The following GMEB1 variants were observed in gnomAD, a reference collection of about 807,000 sequenced individuals.
GMEB1 encodes glucocorticoid modulatory element binding protein 1.
Under a neutral mutation model 52.4 loss-of-function variants are expected in GMEB1, and 6 were observed. The ratio of observed to expected loss-of-function variants is 0.11; its 90% CI spans 0.06 to 0.23. The LOEUF (loss-of-function observed/expected upper bound fraction) is 0.23, where lower values mean the gene tolerates loss of function less well. Ranked by LOEUF, GMEB1 falls within the 10% of genes least tolerant of loss-of-function variation. The probability of loss-of-function intolerance (pLI) is 1.00; values close to 1 mark genes in which losing one functional copy is unlikely to be tolerated. For missense variants in GMEB1, 486 were observed against 685.6 expected, an observed-to-expected ratio of 0.71 and a Z score of 3.25; for synonymous variants, 255 against 244.9, an observed-to-expected ratio of 1.04 and a Z score of -0.38.
chr1:28,703,694 G>T lies in GMEB1; in HGVS notation c.731-498G>T, dbSNP rs749616233. 2.6e-4 allele frequency among the ~76,000 whole-genome samples: 39 copies of T among 151,920 alleles called. 1 individual carries two copies. Among genetic ancestry groups the T allele is most frequent in the South Asian group, 1.9e-3 (9 of 4,816 alleles). On this transcript the variant is annotated intron_variant, in intron 7 of 9. Coordinates refer to ENST00000373816, the MANE Select transcript of GMEB1 (RefSeq NM_001319674.2). The stretch of plus-strand genomic sequence containing the variant: ...AAATAAAAATAAAAAAATAAAAAAA[G>T]AAAAGACATAGCCACCACCCTCAGA...
intron 8 of GMEB1, among the ~76,000 whole-genome samples, chr1:28,706,659 CTTATTTAT>C (rs546303576): frequency 6.0e-5 from 9 of 149,618 alleles, no homozygotes; most frequent in Non-Finnish European, 1.2e-4. Context: ...TCAGTGAATT[CTTATTTAT>C]TTATTTATTT....
chr1:28,669,165 G>T (rs1402598156), intron 1 of GMEB1, among the ~76,000 whole-genome samples: 1 of 151,364 alleles, frequency 6.6e-6, no homozygotes, highest in Non-Finnish European at 1.5e-5. Context: ...CACTGGGGGG[G>T]CCCCGGCGCC....
At chr1:28,670,152 T>TA (rs1311442221) in intron 1 of GMEB1, among the ~76,000 whole-genome samples, 1 of 147,804 alleles carries the variant, frequency 6.8e-6, no homozygotes, top group African/African-American at 2.4e-5. Flanking sequence ...TTGGGGACCC[T>TA]TTTTATTTAT....
intron 5 of GMEB1, among the ~76,000 whole-genome samples, chr1:28,694,299 T>C (rs893914921): frequency 2.6e-5 from 4 of 151,258 alleles, no homozygotes; most frequent in African/African-American, 7.3e-5. Flanking sequence ...CAAGTGATTC[T>C]CCTGTCTCAG....
At chr1:28,708,284 C>T (rs1215327132) in intron 8 of GMEB1, among the ~76,000 whole-genome samples, 1 of 151,926 alleles carries the variant, frequency 6.6e-6, no homozygotes, top group Non-Finnish European at 1.5e-5. Flanking sequence ...CCTGCCTCAG[C>T]CTCCCGAGTA....
At chr1:28,672,363 T>A (rs1668932123) in intron 1 of GMEB1, among the ~76,000 whole-genome samples, 1 of 149,016 alleles carries the variant, frequency 6.7e-6, no homozygotes, top group South Asian at 2.1e-4. Context: ...GGGACTACTC[T>A]CCCGCCACCA....
In GMEB1 at chr1:28,692,999, C is replaced by T; in HGVS notation, c.394C>T (p.Leu132=). 6.2e-7 allele frequency: 1 copy of T among 1,609,638 alleles called. No homozygotes were observed. Among genetic ancestry groups the T allele is most frequent in the Non-Finnish European group, 8.5e-7 (1 of 1,177,206 alleles). Residue 132 remains leucine (L), a synonymous_variant, in exon 5 of 10, where the codon CTG becomes TTG. Transcript: ENST00000373816. ...TGTTCATCTGGCTGGCAAGTCCACT[C>T]TGAAGGACTGGAAGAGAGCTATTCG... ...HFVHLAGKST[L]KDWKRAIRLG... is the part of the protein sequence containing the mutation.
At chr1:28,712,260 G>C (rs1345230362) in intron 9 of GMEB1, among the ~76,000 whole-genome samples, 1 of 152,156 alleles carries the variant, frequency 6.6e-6, no homozygotes, top group Admixed American at 6.6e-5. Flanking sequence ...CATGCACTCT[G>C]TAGTCACGCC....
At chr1:28,690,674 T>G (rs141592625) in intron 3 of GMEB1, among the ~76,000 whole-genome samples, 96 of 152,230 alleles carry the variant, frequency 6.3e-4, no homozygotes, top group African/African-American at 2.2e-3. Context: ...AGGAAACAAT[T>G]AATTAATTAA....
At chr1:28,691,040 C>T (rs1034154172) in intron 3 of GMEB1, among the ~76,000 whole-genome samples, 9 of 151,892 alleles carry the variant, frequency 5.9e-5, no homozygotes, top group African/African-American at 2.2e-4. Context: ...CCTGTAATCC[C>T]AGCACTTTGG....
chr1:28,680,179 A>C (rs932329977), intron 1 of GMEB1, among the ~76,000 whole-genome samples: 1 of 151,908 alleles, frequency 6.6e-6, no homozygotes, highest in Non-Finnish European at 1.5e-5. Flanking sequence ...CCAGGAGTTC[A>C]AGACCAGCCT....
rs748503919 is a variant in GMEB1 at position 28,714,171 on chromosome 1, C to T, written c.1090C>T (p.Pro364Ser). The T allele has an allele frequency of 6.2e-7, 1 of 1,614,162 alleles. No homozygotes were observed. Among genetic ancestry groups the T allele is most frequent in the Non-Finnish European group, 8.5e-7 (1 of 1,180,012 alleles). Residue 364 changes from proline to serine, a missense_variant, in exon 10 of 10, where the codon CCT becomes TCT. Coordinates refer to ENST00000373816, the MANE Select transcript of GMEB1 (RefSeq NM_001319674.2). ...TGTGGTACTGATGCCTGTGAGCACT[C>T]CTAAGCCTCCAAAAAGGCCCCGGCT... ...QNVVLMPVST[P>S]KPPKRPRLQR... is the part of the protein sequence containing the mutation.
At chr1:28,713,714 G>C (rs1350624032) in intron 9 of GMEB1, among the ~76,000 whole-genome samples, 3 of 152,176 alleles carry the variant, frequency 2.0e-5, no homozygotes, top group African/African-American at 7.2e-5. Flanking sequence ...TTTTGGAGTG[G>C]CCATTGTAGC....
At chr1:28,707,652 A>G in intron 8 of GMEB1, among the ~76,000 whole-genome samples, 1 of 152,152 alleles carries the variant, frequency 6.6e-6, no homozygotes, top group East Asian at 1.9e-4. Context: ...ACAGTTTTAG[A>G]GAGGAAATAA....
At chr1:28,679,962 C>G (rs144311052) in intron 1 of GMEB1, among the ~76,000 whole-genome samples, 2 of 152,130 alleles carry the variant, frequency 1.3e-5, no homozygotes, top group Non-Finnish European at 2.9e-5. Context: ...AGCGCCACCA[C>G]GCCTGGCTAA....
chr1:28,697,164 T>C (rs1260419695), intron 6 of GMEB1, 80 bp downstream of exon 6: 8 of 59,264 alleles, frequency 1.3e-4, no homozygotes, highest in South Asian at 5.0e-4. Flanking sequence ...TGTGTGTACA[T>C]ATATATATAT....
In GMEB1 at chr1:28,714,768, G is replaced by A. The variant is rs755141234; in HGVS notation, c.1687G>A (p.Asp563Asn). 6.3e-7 allele frequency: 1 copy of A among 1,596,886 alleles called. No homozygotes were observed. Among genetic ancestry groups the A allele is most frequent in the Non-Finnish European group, 8.6e-7 (1 of 1,165,444 alleles). Reference protein sequence around the residue: ...VHNVEIVVLED With the variant: ...VHNVEIVVLEN ...CAATGTGGAGATTGTGGTCTTAGAGGATTAACTGGGGATCTCAGGGCCAGG... is the reference window on the plus strand; with the variant it reads ...CAATGTGGAGATTGTGGTCTTAGAGAATTAACTGGGGATCTCAGGGCCAGG... The change falls in exon 10 of 10, where the codon GAT becomes AAT. Residue 563 changes from aspartate to asparagine, a missense_variant. Asp to Asn is a conservative substitution (Grantham distance 23). Transcript: ENST00000373816.
At chr1:28,700,438 C>T (rs915657135) in intron 6 of GMEB1, among the ~76,000 whole-genome samples, 1 of 147,296 alleles carries the variant, frequency 6.8e-6, no homozygotes, top group Non-Finnish European at 1.5e-5. Context: ...GGCGTGAACT[C>T]GGGAGGTGGA....
rs563309282 is a variant in GMEB1 at position 28,708,943 on chromosome 1, A to C, written c.869-1577A>C. Among the ~76,000 whole-genome samples, 241 of 152,164 alleles carry C rather than the reference A, an allele frequency of 1.6e-3. 2 individuals carry two copies. Among genetic ancestry groups the C allele is most frequent in the Non-Finnish European group, 1.4e-3 (98 of 67,986 alleles). On this transcript the variant is annotated intron_variant, in intron 8 of 9. Transcript: ENST00000373816. Reference sequence around the variant, plus strand: ...TCAGGAGATCAAGACCATCCTGGCTAACACGGTGAAACCCCATCTCTTCTA... The same window carrying C: ...TCAGGAGATCAAGACCATCCTGGCTCACACGGTGAAACCCCATCTCTTCTA...
Sources: allele counts gnomAD v4.1 joint callset (sites outside exome capture counted in the v4.1 genomes callset), GRCh38; gene constraint gnomAD v4.1.1; transcripts MANE v1.5; gene names NCBI Gene and HGNC (gene_info 2026-07-23, HGNC 2026-07-21).